DNAJC1: variants seen among roughly 807,000 people sequenced by gnomAD.
DNAJC1 encodes the protein dnaJ homolog subfamily C member 1.
Under a neutral mutation model 76.6 loss-of-function variants are expected in DNAJC1, and 58 were observed. The observed-to-expected ratio is 0.76, with a 90% CI of 0.61 to 0.94. The LOEUF (loss-of-function observed/expected upper bound fraction) is 0.94, where lower values mean the gene tolerates loss of function less well. Ranked by LOEUF, DNAJC1 falls within the 40% of genes least tolerant of loss-of-function variation. The pLI is 0.00. For missense variants in DNAJC1, 689 were observed against 677.3 expected (o/e 1.02, Z -0.19); for synonymous variants, 258 against 267.9 (o/e 0.96, Z 0.36).
At chr10:21,960,180 T>C (rs1239983389) in intron 1 of DNAJC1, among the ~76,000 whole-genome samples, 1 of 152,188 alleles carries the variant, frequency 6.6e-6, no homozygotes, top group Non-Finnish European at 1.5e-5. Context: ...TGGTTTTCCA[T>C]TTTACTCAGA....
At chr10:21,789,938 A>G (rs1834660304) in intron 9 of DNAJC1, among the ~76,000 whole-genome samples, 1 of 139,228 alleles carries the variant, frequency 7.2e-6, no homozygotes, top group African/African-American at 2.7e-5. Context: ...TGAATCCAGG[A>G]GGTGGAGGTT....
intron 9 of DNAJC1, among the ~76,000 whole-genome samples, chr10:21,774,361 C>T (rs1352777156): frequency 3.3e-5 from 5 of 152,158 alleles, no homozygotes; most frequent in Admixed American, 6.5e-5. Context: ...GGCAAAGTCA[C>T]AAATACACGT....
chr10:21,944,513 C>T (rs1837472573), intron 1 of DNAJC1, among the ~76,000 whole-genome samples: 4 of 152,118 alleles, frequency 2.6e-5, no homozygotes, highest in Admixed American at 1.3e-4. Context: ...CAGTGGCTAA[C>T]TGATCATGGT....
intron 1 of DNAJC1, among the ~76,000 whole-genome samples, chr10:21,979,670 G>C (rs574417857): frequency 2.2e-4 from 33 of 151,488 alleles, no homozygotes; most frequent in Non-Finnish European, 3.7e-4. Flanking sequence ...GTAAACTAAA[G>C]ACAGAATACC....
chr10:21,771,454 T>C (rs1305096145), intron 9 of DNAJC1, among the ~76,000 whole-genome samples: 1 of 152,198 alleles, frequency 6.6e-6, no homozygotes, highest in Admixed American at 6.5e-5. Context: ...TTTTTATTCC[T>C]AGTCTGCTGA....
At chr10:21,760,565 G>A (rs1049705337) in intron 10 of DNAJC1, among the ~76,000 whole-genome samples, 4 of 152,232 alleles carry the variant, frequency 2.6e-5, no homozygotes, top group Admixed American at 2.6e-4. Context: ...CACGGGGCGT[G>A]GGAGCAGAAA....
Position 21,782,989 on chromosome 10 carries a change from A to G in DNAJC1, c.1099-16680T>C, listed in dbSNP as rs180974586. Among the ~76,000 whole-genome samples the G allele has an allele frequency of 4.2e-4, 64 of 152,346 alleles. 1 individual carries two copies. Among genetic ancestry groups the G allele is most frequent in the African/African-American group, 1.4e-3 (60 of 41,582 alleles). ...GGAAGCATTCCCTTTGAAAACTGGC[A>G]CAAGACAGGGATGCCCTCTTTCACC... On this transcript the variant is annotated intron_variant, in intron 9 of 11. Transcript: ENST00000376980.
At chr10:21,956,842 A>G (rs1837694199) in intron 1 of DNAJC1, among the ~76,000 whole-genome samples, 1 of 150,746 alleles carries the variant, frequency 6.6e-6, no homozygotes, top group Non-Finnish European at 1.5e-5. Flanking sequence ...ACACACACAC[A>G]CACACACACA....
chr10:21,926,572 C>G (rs964783931), intron 3 of DNAJC1, among the ~76,000 whole-genome samples: 2 of 151,444 alleles, frequency 1.3e-5, no homozygotes, highest in Non-Finnish European at 2.9e-5. Context: ...CTTTTTTTTC[C>G]TAAAGGAATT....
intron 1 of DNAJC1, among the ~76,000 whole-genome samples, chr10:21,985,855 G>C (rs1838237675): frequency 6.6e-6 from 1 of 152,114 alleles, no homozygotes; most frequent in Admixed American, 6.5e-5. Flanking sequence ...TCTTTGTGTG[G>C]ACAAATATTT....
rs529118861 is a variant in DNAJC1 at position 21,911,861 on chromosome 10, C to A, written c.729+6918G>T. 1.2e-4 allele frequency among the ~76,000 whole-genome samples: 18 copies of A among 152,214 alleles called. No homozygotes were observed. The South Asian group carries it at 3.5e-3, about 30-fold the overall frequency. ...AGTAAATTACATGGGATATTCAGCG[C>A]TTTTTAAAAATAAAATAGGCTTTGT... On this transcript the variant is annotated intron_variant, in intron 6 of 11. Coordinates refer to ENST00000376980, the MANE Select transcript of DNAJC1 (RefSeq NM_022365.4).
intron 6 of DNAJC1, among the ~76,000 whole-genome samples, 149 bp downstream of exon 6, chr10:21,918,626 CTAAA>C (rs1836991464): frequency 6.6e-6 from 1 of 151,718 alleles, no homozygotes; most frequent in East Asian, 1.9e-4. Context: ...TTAGAATTAT[CTAAA>C]TTAGGTTTAA....
chr10:21,849,321 T>TAAAAAAAAAAAAAAAAAAAA (rs1283566162), intron 8 of DNAJC1, among the ~76,000 whole-genome samples: 1 of 63,344 alleles, frequency 1.6e-5, no homozygotes, highest in Non-Finnish European at 3.3e-5. Flanking sequence ...AAAAAAAAAG[T>TAAAAAAAAAAAAAAAAAAAA]AAATGCCTAC....
At chr10:21,803,684 A>G (rs1834844040) in intron 9 of DNAJC1, 1 of 307,548 alleles carries the variant, frequency 3.3e-6, no homozygotes, top group Non-Finnish European at 4.7e-6. Context: ...AGTTATTGAA[A>G]TGAATAGTCC....
chr10:21,964,765 T>A (rs111391966), intron 1 of DNAJC1, among the ~76,000 whole-genome samples: 503 of 152,062 alleles, frequency 3.3e-3, no homozygotes, highest in Non-Finnish European at 6.0e-3. Context: ...CTTCATTGTG[T>A]TCTTTTTCTT....
intron 8 of DNAJC1, among the ~76,000 whole-genome samples, chr10:21,833,460 G>C (rs1403705308): frequency 6.6e-6 from 1 of 152,126 alleles, no homozygotes; most frequent in African/African-American, 2.4e-5. Flanking sequence ...AACAGTGTGA[G>C]ACTCTGACAC....
chr10:21,896,817 T>C (rs1418705221), intron 7 of DNAJC1, among the ~76,000 whole-genome samples: 1 of 152,050 alleles, frequency 6.6e-6, no homozygotes, highest in Non-Finnish European at 1.5e-5. Context: ...TCCAATGCAA[T>C]AGTATTAAGA....
intron 1 of DNAJC1, among the ~76,000 whole-genome samples, chr10:21,964,190 T>C (rs1173958855): frequency 6.6e-6 from 1 of 152,172 alleles, no homozygotes; most frequent in Non-Finnish European, 1.5e-5. Flanking sequence ...ATCAAACATA[T>C]ACCATTGCTA....
At chr10:21,935,674 CT>C (rs1837300710) in intron 1 of DNAJC1, among the ~76,000 whole-genome samples, 2 of 151,850 alleles carry the variant, frequency 1.3e-5, no homozygotes, top group South Asian at 4.2e-4. Context: ...AGATCCACAC[CT>C]AGAAACATTA....
Sources: allele counts gnomAD v4.1 joint callset (sites outside exome capture counted in the v4.1 genomes callset), GRCh38; gene constraint gnomAD v4.1.1; transcripts MANE v1.5; gene names NCBI Gene and HGNC (gene_info 2026-07-23, HGNC 2026-07-21).